The following TBC1D5 variants were observed in gnomAD, a reference collection of about 807,000 sequenced individuals.
TBC1D5 encodes the protein TBC1 domain family member 5.
TBC1D5 carries 75 observed loss-of-function variants against 100.3 expected under a neutral mutation model. The ratio of observed to expected loss-of-function variants is 0.75; its 90% CI spans 0.62 to 0.91. The LOEUF (loss-of-function observed/expected upper bound fraction) is 0.91, where lower values mean the gene tolerates loss of function less well. TBC1D5 is among the 40% of genes least tolerant of loss of function. The probability of loss-of-function intolerance (pLI) is 0.00; values close to 1 mark genes in which losing one functional copy is unlikely to be tolerated. For synonymous variants in TBC1D5, 323 were observed against 325.6 expected, an observed-to-expected ratio of 0.99 and a Z score of 0.09; for missense variants, 910 against 942.4, an observed-to-expected ratio of 0.97 and a Z score of 0.45.
chr3:17,424,589 G>A (rs184569146), intron 4 of TBC1D5, among the ~76,000 whole-genome samples: 1 of 152,034 alleles, frequency 6.6e-6, no homozygotes, highest in Non-Finnish European at 1.5e-5. Context: ...CCATTTTAAC[G>A]CATCATCTGC....
At chr3:17,621,675 T>G (rs1187604433) in intron 2 of TBC1D5, among the ~76,000 whole-genome samples, 1 of 152,088 alleles carries the variant, frequency 6.6e-6, no homozygotes, top group East Asian at 1.9e-4. Context: ...GTGTCCTGTC[T>G]CTAGCACTCC....
intron 3 of TBC1D5, among the ~76,000 whole-genome samples, chr3:17,498,525 C>A (rs532081132): frequency 6.6e-6 from 1 of 152,174 alleles, no homozygotes; most frequent in African/African-American, 2.4e-5. Flanking sequence ...CTTGGAAACA[C>A]TAAAAACTCA....
intron 3 of TBC1D5, among the ~76,000 whole-genome samples, chr3:17,456,328 G>C (rs78427750): frequency 1.1e-3 from 167 of 152,214 alleles, no homozygotes; most frequent in African/African-American, 3.9e-3. Context: ...AATATTCTGT[G>C]TAGTAATAGA....
intron 16 of TBC1D5, among the ~76,000 whole-genome samples, chr3:17,243,154 G>C (rs934503609): frequency 2.0e-5 from 3 of 152,118 alleles, no homozygotes; most frequent in African/African-American, 7.2e-5. Flanking sequence ...ATAATCTTCT[G>C]TTAATGAGTT....
At chr3:17,731,504 C>CA (rs11306215) in intron 1 of TBC1D5, among the ~76,000 whole-genome samples, 2,682 of 90,628 alleles carry the variant, frequency 0.03, 57 homozygotes, top group South Asian at 0.064. Context: ...GACTCTGTCT[C>CA]AAAAAAAAAA....
At chr3:17,512,989 G>A (rs549095922) in intron 2 of TBC1D5, among the ~76,000 whole-genome samples, 2 of 152,118 alleles carry the variant, frequency 1.3e-5, no homozygotes, top group East Asian at 3.9e-4. Context: ...AAGCTTAGAA[G>A]GCAGTTTTAA....
chr3:17,482,868 T>C (rs185056011), intron 3 of TBC1D5, among the ~76,000 whole-genome samples: 3 of 152,242 alleles, frequency 2.0e-5, no homozygotes, highest in East Asian at 1.9e-4. Flanking sequence ...ATCTCCTATA[T>C]CTAAACAGAA....
intron 1 of TBC1D5, among the ~76,000 whole-genome samples, chr3:17,704,948 G>T (rs1216963876): frequency 2.3e-4 from 24 of 105,830 alleles, no homozygotes; most frequent in Admixed American, 3.4e-4. Context: ...AGTAGGGGCG[G>T]CTGGGCAGAG....
intron 1 of TBC1D5, among the ~76,000 whole-genome samples, chr3:17,728,548 T>G (rs570313118): frequency 8.5e-5 from 13 of 152,284 alleles, no homozygotes; most frequent in Admixed American, 3.3e-4. Flanking sequence ...CTCAATGGAA[T>G]AAATCCAAGA....
At chr3:17,386,961 C>G (rs1291861625) in intron 8 of TBC1D5, among the ~76,000 whole-genome samples, 2 of 152,188 alleles carry the variant, frequency 1.3e-5, no homozygotes, top group Admixed American at 6.5e-5. Context: ...ACCAAATCAA[C>G]TGAAAATATG....
Position 17,358,168 on chromosome 3 carries a change from CT to C in TBC1D5, c.995+13906del, listed in dbSNP as rs11412361. ...ATTCTGATACTGTCCACAATGTTCA[CT>C]TTTTTTTTGTTTGTTTGTTTTTGTT... is the stretch of plus-strand genomic sequence containing the variant. On this transcript the variant is annotated intron_variant, in intron 13 of 21. Coordinates refer to ENST00000253692, the Ensembl canonical transcript of TBC1D5. Among the ~76,000 whole-genome samples the C allele has an allele frequency of 1.1e-4, 17 of 151,066 alleles. No homozygotes were observed. The East Asian group carries it at 2.1e-3, about 19-fold the overall frequency.
chr3:17,249,427 T>A (rs777420828), intron 16 of TBC1D5, among the ~76,000 whole-genome samples: 1 of 152,232 alleles, frequency 6.6e-6, no homozygotes, highest in Non-Finnish European at 1.5e-5. Flanking sequence ...GGTTTGAATA[T>A]GTTTTCCCTC....
At chr3:17,389,068 T>G (rs893547778) in intron 8 of TBC1D5, among the ~76,000 whole-genome samples, 1 of 152,192 alleles carries the variant, frequency 6.6e-6, no homozygotes. Flanking sequence ...TTAAGATTCC[T>G]TTAATCTATA....
At chr3:17,374,664 A>G in exon 11 of TBC1D5, 1 of 1,610,528 alleles carries the variant, frequency 6.2e-7, no homozygotes, top group Middle Eastern at 2.2e-4. Context: ...GGTTCAAGAC[A>G]GTTTTCATTT....
At chr3:17,282,687 G>T (rs1575116589) in intron 15 of TBC1D5, among the ~76,000 whole-genome samples, 1 of 152,248 alleles carries the variant, frequency 6.6e-6, no homozygotes, top group East Asian at 1.9e-4. Context: ...TGACTTTAAA[G>T]ATCTAAATAG....
intron 1 of TBC1D5, among the ~76,000 whole-genome samples, chr3:17,658,323 A>G (rs2066299490): frequency 6.6e-6 from 1 of 152,224 alleles, no homozygotes; most frequent in East Asian, 1.9e-4. Flanking sequence ...TGCTAAAAGT[A>G]TAAAGATTAT....
At chr3:17,731,504 C>CAAA (rs11306215) in intron 1 of TBC1D5, among the ~76,000 whole-genome samples, 7 of 90,816 alleles carry the variant, frequency 7.7e-5, no homozygotes, top group African/African-American at 1.3e-4. Flanking sequence ...GACTCTGTCT[C>CAAA]AAAAAAAAAA....
chr3:17,245,706 T>A (rs1379981208), intron 16 of TBC1D5, among the ~76,000 whole-genome samples: 1 of 152,234 alleles, frequency 6.6e-6, no homozygotes, highest in Non-Finnish European at 1.5e-5. Context: ...TCATGATGCA[T>A]CAAATCATTA....
intron 3 of TBC1D5, among the ~76,000 whole-genome samples, chr3:17,458,385 C>T (rs146786365): frequency 1.6e-4 from 25 of 152,280 alleles, no homozygotes; most frequent in Admixed American, 4.6e-4. Context: ...CCCCCTCAGG[C>T]TATGGCTGCT....
Sources: allele counts gnomAD v4.1 joint callset (sites outside exome capture counted in the v4.1 genomes callset), GRCh38; gene constraint gnomAD v4.1.1; transcripts MANE v1.5; gene names NCBI Gene and HGNC (gene_info 2026-07-23, HGNC 2026-07-21).